The following KCNK7 variants were observed in gnomAD, a reference collection of about 807,000 sequenced individuals.
KCNK7 encodes potassium channel subfamily K member 7.
Under a neutral mutation model 18.1 loss-of-function variants are expected in KCNK7, and 14 were observed. That is an observed-to-expected ratio of 0.77 (90% CI 0.51 to 1.21). The LOEUF is 1.21. KCNK7 is among the 50% of genes most tolerant of loss of function. The pLI, the probability that KCNK7 is intolerant of heterozygous loss-of-function variation, is 0.00. For missense variants in KCNK7, 385 were observed against 387.3 expected (o/e 0.99, Z 0.05); for synonymous variants, 188 against 184.7 (o/e 1.02, Z -0.15).
intron 1 of KCNK7, among the ~76,000 whole-genome samples, chr11:65,594,462 C>T (rs1269812904): frequency 1.3e-5 from 2 of 152,204 alleles, no homozygotes; most frequent in Non-Finnish European, 2.9e-5. Context: ...GACAGGGGTA[C>T]ACTGGAAAGT....
chr11:65,595,529 C>T lies in KCNK7; in HGVS notation c.244G>A (p.Gly82Ser), dbSNP rs771907950. ...CAGGTCCTGCCCTCTGAGCTGTTGC[C>T]CAGGGTGGAGACCCCATGGGCCTGG... Reference protein sequence around the residue: ...ATQAHGVSTLGNSSEGRTWDL... With the variant: ...ATQAHGVSTLSNSSEGRTWDL... Residue 82 changes from glycine to serine, a missense_variant, in exon 1 of 3, where the codon GGC becomes AGC. By Grantham distance (56) the Gly-to-Ser change is moderately conservative (BLOSUM62 0). Coordinates refer to ENST00000340313, the MANE Select transcript of KCNK7 (RefSeq NM_033347.2). 22 of 1,561,664 alleles carry T rather than the reference C, an allele frequency of 1.4e-5. No individual in the cohort carries two copies. In the African/African-American group the frequency reaches 2.9e-4, roughly 20 times the overall value.
At position 65,593,830 on chromosome 11, in the gene KCNK7, A is replaced by G. The variant is rs143101517; in HGVS notation, c.364T>C (p.Cys122Arg). 7 of 1,564,100 alleles carry G rather than the reference A, an allele frequency of 4.5e-6. No homozygotes were observed. The highest frequency in any genetic ancestry group is 6.1e-6 in the Non-Finnish European group (7 of 1,154,244). The change falls in exon 2 of 3, where the codon TGC (cysteine) becomes CGC (arginine). Residue 122 changes from cysteine to arginine, a missense_variant. Coordinates refer to ENST00000340313, the MANE Select transcript of KCNK7 (RefSeq NM_033347.2). ...AGCCCCAGGGCTGCATAGACCATGC[A>G]GAAGGCCTTTCCGCCTGGCGATAGT... ...APLSPGGKAF[C>R]MVYAALGLPA...
At chr11:65,594,220 G>A (rs1220898251) in intron 1 of KCNK7, among the ~76,000 whole-genome samples, 1 of 152,214 alleles carries the variant, frequency 6.6e-6, no homozygotes, top group African/African-American at 2.4e-5. Context: ...TGTCCTGTGT[G>A]CCAGGCTTTG....
chr11:65,594,138 G>T (rs1444346552), intron 1 of KCNK7, among the ~76,000 whole-genome samples: 4 of 152,212 alleles, frequency 2.6e-5, no homozygotes, highest in African/African-American at 9.7e-5. Context: ...TGAGAACTGC[G>T]CTGCCCTTAA....
chr11:65,594,593 G>C (rs981935663), intron 1 of KCNK7, among the ~76,000 whole-genome samples: 3 of 152,210 alleles, frequency 2.0e-5, no homozygotes, highest in Non-Finnish European at 4.4e-5. Flanking sequence ...ATATGAGCTG[G>C]GCACAGTGGC....
chr11:65,592,974 C>G lies in KCNK7; in HGVS notation c.*31G>C, dbSNP rs1858435977. On this transcript the variant is annotated 3_prime_UTR_variant, in exon 3 of 3. Coordinates refer to ENST00000340313, the MANE Select transcript of KCNK7 (RefSeq NM_033347.2). ...CTGCTTCCTCCTCAGGTGCCGCCAC[C>G]TTACGGAGCTGAACTCGGTCACCTG... 1.2e-6 allele frequency: 2 copies of G among 1,601,934 alleles called. No individual in the cohort carries two copies. Among genetic ancestry groups the G allele is most frequent in the Non-Finnish European group, 1.7e-6 (2 of 1,174,686 alleles).
At chr11:65,595,090 C>T (rs73490460) in intron 1 of KCNK7, among the ~76,000 whole-genome samples, 57 of 152,280 alleles carry the variant, frequency 3.7e-4, no homozygotes, top group Admixed American at 7.8e-4. Flanking sequence ...CTCACTCCCC[C>T]ACCCGAGGCC....
chr11:65,593,971 C>T, intron 1 of KCNK7, 97 bp from the exon 2 acceptor site: 1 of 1,333,696 alleles, frequency 7.5e-7, no homozygotes, highest in East Asian at 2.6e-5. Flanking sequence ...GAAGGCTGCC[C>T]TCTGGTGGCC....
chr11:65,595,516 T>A lies in KCNK7; in HGVS notation c.257A>T (p.Glu86Val). ...TGAGGGAAGGTCCCAGGTCCTGCCC[T>A]CTGAGCTGTTGCCCAGGGTGGAGAC... ...HGVSTLGNSS[E>V]GRTWDLPSAL... Residue 86 changes from glutamate to valine, a missense_variant, in exon 1 of 3, where the codon GAG (glutamate) becomes GTG (valine). Glu to Val is a moderately radical substitution (Grantham distance 121, BLOSUM62 -2). Coordinates refer to ENST00000340313, the MANE Select transcript of KCNK7 (RefSeq NM_033347.2). 1 of 1,548,452 alleles carries A rather than the reference T, an allele frequency of 6.5e-7. No individual in the cohort carries two copies. Among genetic ancestry groups the A allele is most frequent in the Non-Finnish European group, 8.8e-7 (1 of 1,138,826 alleles).
chr11:65,592,971 C>A lies in KCNK7; in HGVS notation c.*34G>T. On this transcript the variant is annotated 3_prime_UTR_variant, in exon 3 of 3. Transcript: ENST00000340313. ...TGGCTGCTTCCTCCTCAGGTGCCGC[C>A]ACCTTACGGAGCTGAACTCGGTCAC... is the stretch of plus-strand genomic sequence containing the variant. The A allele has an allele frequency of 6.3e-7, 1 of 1,597,958 alleles. No homozygotes were observed.
In KCNK7 at chr11:65,593,735, G is replaced by A. The variant is rs1050283328; in HGVS notation, c.459C>T (p.Ala153=). ...CLLPVLSRPR[A]WVAVHWQLSP... The stretch of plus-strand genomic sequence containing the variant: ...ACAGCTGCCAGTGGACCGCTACCCA[G>A]GCACGTGGGCGGCTGAGCACAGGCA... The change falls in exon 2 of 3, where the codon GCC becomes GCT. Residue 153 remains alanine, a synonymous_variant. Transcript: ENST00000340313. 6.2e-7 allele frequency: 1 copy of A among 1,610,822 alleles called. No homozygotes were observed. The highest frequency in any genetic ancestry group is 8.5e-7 in the Non-Finnish European group (1 of 1,179,510).
In KCNK7 at chr11:65,593,632, G is replaced by A; in HGVS notation, c.562C>T (p.Leu188=). 1 of 1,604,654 alleles carries A rather than the reference G, an allele frequency of 6.2e-7. No individual in the cohort carries two copies. Among genetic ancestry groups the A allele is most frequent in the East Asian group, 2.2e-5 (1 of 44,872 alleles). ...VASSFVLLPA[L]VLWGLQGDCS... is the part of the protein sequence containing the mutation. Reference sequence around the variant, plus strand: ...TCGCCCTGAAGGCCCCACAGCACCAGCGCTGGCAGCAGCACAAAGCTGCTG... The same window carrying A: ...TCGCCCTGAAGGCCCCACAGCACCAACGCTGGCAGCAGCACAAAGCTGCTG... The change falls in exon 2 of 3, where the codon CTG becomes TTG. Residue 188 remains leucine (L), a synonymous_variant. Coordinates refer to ENST00000340313, the MANE Select transcript of KCNK7 (RefSeq NM_033347.2).
chr11:65,594,986 T>G (rs909862906), intron 1 of KCNK7, among the ~76,000 whole-genome samples: 2 of 152,208 alleles, frequency 1.3e-5, no homozygotes, highest in African/African-American at 4.8e-5. Flanking sequence ...TCCCTGGGCC[T>G]GTGCCCACGC....
Position 65,595,569 on chromosome 11 carries a change from G to T in KCNK7, c.204C>A (p.Gly68=). 3.1e-6 allele frequency: 5 copies of T among 1,591,572 alleles called. No homozygotes were observed. The highest frequency in any genetic ancestry group is 4.3e-6 in the Non-Finnish European group (5 of 1,165,244). The change falls in exon 1 of 3, where the codon GGC becomes GGA. Residue 68 remains glycine (G), a synonymous_variant. Transcript: ENST00000340313. Reference sequence around the variant, plus strand: ...CATGGGCCTGGGTGGCCAGGGCAGTGCCCAGCAGCTCTTCCAGAGCTCCGG... The same window carrying T: ...CATGGGCCTGGGTGGCCAGGGCAGTTCCCAGCAGCTCTTCCAGAGCTCCGG... ...LPPGALEELL[G]TALATQAHGV...
At chr11:65,593,413 G>C in intron 2 of KCNK7, 63 bp downstream of exon 2, 1 of 1,613,774 alleles carries the variant, frequency 6.2e-7, no homozygotes, top group Non-Finnish European at 8.5e-7. Flanking sequence ...AGTGATTTAT[G>C]GGAGTCCTAG....
chr11:65,594,981 G>C (rs1277305160), intron 1 of KCNK7, among the ~76,000 whole-genome samples: 1 of 152,098 alleles, frequency 6.6e-6, no homozygotes, highest in Non-Finnish European at 1.5e-5. Context: ...GCTTTTCCCT[G>C]GGCCTGTGCC....
At chr11:65,595,108 T>C (rs1017466274) in intron 1 of KCNK7, among the ~76,000 whole-genome samples, 5 of 152,188 alleles carry the variant, frequency 3.3e-5, no homozygotes, top group African/African-American at 1.2e-4. Context: ...GCCATGGTCC[T>C]GATCTGTCCT....
chr11:65,592,877 C>G lies in KCNK7; in HGVS notation c.*128G>C. 3 of 1,058,600 alleles carry G rather than the reference C, an allele frequency of 2.8e-6. No homozygotes were observed. Among genetic ancestry groups the G allele is most frequent in the Non-Finnish European group, 4.0e-6 (3 of 752,618 alleles). 65.6% of individuals were successfully genotyped at this position (1,058,600 alleles called of 1,614,324 possible). A position where few individuals can be genotyped will look rare whatever the true frequency, so the allele number is the denominator to read the frequency against. ...AAGTCGTTGCTCATTTTATGATTAA[C>G]AGTATCCTCTGAGGCCTCCCGCCCA... On this transcript the variant is annotated 3_prime_UTR_variant, in exon 3 of 3. Transcript: ENST00000340313.
rs368034960 is a variant in KCNK7 at position 65,593,261 on chromosome 11, C to G, written c.719-51G>C. On this transcript the variant is annotated intron_variant, in intron 2 of 2. Coordinates refer to ENST00000340313, the MANE Select transcript of KCNK7 (RefSeq NM_033347.2). The stretch of plus-strand genomic sequence containing the variant: ...GCGCCTGGGTTCTGGTGATGCTCCC[C>G]GCCCACCTCCCAGCGCAGTGACTTG... 2.2e-5 allele frequency: 36 copies of G among 1,613,228 alleles called. No homozygotes were observed. The African/African-American group carries it at 4.3e-4, about 19-fold the overall frequency.
Sources: allele counts gnomAD v4.1 joint callset (sites outside exome capture counted in the v4.1 genomes callset), GRCh38; gene constraint gnomAD v4.1.1; transcripts MANE v1.5; gene names NCBI Gene and HGNC (gene_info 2026-07-23, HGNC 2026-07-21).